The following ADCY2 variants were observed in gnomAD, a reference collection of about 807,000 sequenced individuals.
ADCY2 encodes adenylate cyclase 2, also known as adenylate cyclase type 2.
A neutral mutation model predicts 125.2 loss-of-function variants in ADCY2; 31 were observed. The observed-to-expected ratio is 0.25, with a 90% CI of 0.19 to 0.33. ADCY2 has a LOEUF of 0.33. Among genes scored for constraint, ADCY2 ranks in the 10% least tolerant of loss-of-function variants. The probability of loss-of-function intolerance (pLI) is 1.00; values close to 1 mark genes in which losing one functional copy is unlikely to be tolerated. For synonymous variants in ADCY2, 512 were observed against 548.4 expected (o/e 0.93, Z 0.93); for missense variants, 904 against 1,418.2 (o/e 0.64, Z 5.82).
chr5:7,824,312 T>C (rs914749120), intron 24 of ADCY2, among the ~76,000 whole-genome samples: 6 of 152,188 alleles, frequency 3.9e-5, no homozygotes, highest in African/African-American at 1.4e-4. Flanking sequence ...GTAACCGGTG[T>C]GCATCGAGAT....
rs547888380 is a variant in ADCY2 at position 7,773,177 on chromosome 5, A to G, written c.2384+76A>G. 6 of 1,435,154 alleles carry G rather than the reference A, an allele frequency of 4.2e-6. No homozygotes were observed. In the South Asian group the frequency reaches 5.5e-5, roughly 13 times the overall value. The allele number at this position is 1,435,154 out of a possible 1,614,324, so 88.9% of individuals were successfully genotyped here. On this transcript the variant is annotated intron_variant, in intron 18 of 24. Transcript: ENST00000338316. The stretch of plus-strand genomic sequence containing the variant: ...GATAGCATGAGTGTGTGTTGAGTAA[A>G]TGCAAGTTAGCGATGTCATTGTCAT...
At chr5:7,626,359 A>G in intron 4 of ADCY2, 43 bp downstream of exon 4, 3 of 1,595,332 alleles carry the variant, frequency 1.9e-6, no homozygotes, top group Non-Finnish European at 2.6e-6. Flanking sequence ...TTTAGTCATT[A>G]TTAAAATGAT....
rs980407909 is a variant in ADCY2, at chr5:7,626,882, A to G, written c.720+566A>G. Among the ~76,000 whole-genome samples, 8 of 152,146 alleles carry G rather than the reference A, an allele frequency of 5.3e-5. No homozygotes were observed. In the South Asian group the frequency reaches 8.3e-4, roughly 16 times the overall value. On this transcript the variant is annotated intron_variant, in intron 4 of 24. Transcript: ENST00000338316. Reference sequence around the variant, plus strand: ...GGAGAGGACAAGCATCTAAACTGTAATAGAGAGTTATGATCAAAAGAGCAA... The same window carrying G: ...GGAGAGGACAAGCATCTAAACTGTAGTAGAGAGTTATGATCAAAAGAGCAA...
At position 7,709,186 on chromosome 5, in the gene ADCY2, G is replaced by A; in HGVS notation, c.1402-25G>A. The A allele has an allele frequency of 6.3e-7, 1 of 1,582,660 alleles. No homozygotes were observed. Among genetic ancestry groups the A allele is most frequent in the Non-Finnish European group, 8.6e-7 (1 of 1,164,080 alleles). ...TGTGTGGCCCTGTGCTGTGCCAGGT[G>A]TGATGCTTTGTTTCTCACCCCAAGG... On this transcript the variant is annotated intron_variant, in intron 9 of 24. Coordinates refer to ENST00000338316, the MANE Select transcript of ADCY2 (RefSeq NM_020546.3). The surrounding 1 kb of genome is among the most constrained non-coding windows in gnomAD (Gnocchi z 4.4).
chr5:7,630,782 CCTT>C (rs1255857702), intron 4 of ADCY2, among the ~76,000 whole-genome samples: 2 of 149,110 alleles, frequency 1.3e-5, no homozygotes, highest in Non-Finnish European at 3.0e-5. Context: ...CTCTCTCTCT[CCTT>C]GTCTTTTTTT....
At chr5:7,761,768 T>G (rs1270762990) in intron 16 of ADCY2, among the ~76,000 whole-genome samples, 2 of 152,202 alleles carry the variant, frequency 1.3e-5, no homozygotes, top group Non-Finnish European at 2.9e-5. Context: ...ATAGCATAAT[T>G]AGTCATGATT....
intron 3 of ADCY2, among the ~76,000 whole-genome samples, chr5:7,602,592 C>T (rs996647583): frequency 6.6e-6 from 1 of 152,154 alleles, no homozygotes; most frequent in African/African-American, 2.4e-5. Context: ...GAGAAATTCC[C>T]TCTTAAATTT....
At chr5:7,593,141 G>C (rs1273974555) in intron 3 of ADCY2, among the ~76,000 whole-genome samples, 1 of 152,136 alleles carries the variant, frequency 6.6e-6, no homozygotes, top group African/African-American at 2.4e-5. Flanking sequence ...AGCGCAAATC[G>C]AGGAAAACCT....
At chr5:7,669,539 C>T (rs997906762) in intron 4 of ADCY2, among the ~76,000 whole-genome samples, 3 of 152,142 alleles carry the variant, frequency 2.0e-5, no homozygotes, top group Non-Finnish European at 2.9e-5. Flanking sequence ...TTTCAGTTTA[C>T]GTGGCACTGG....
intron 12 of ADCY2, among the ~76,000 whole-genome samples, chr5:7,718,711 C>T (rs1033502378): frequency 6.6e-6 from 1 of 152,146 alleles, no homozygotes; most frequent in South Asian, 2.1e-4. Context: ...CCAAGGCCCA[C>T]TGGCAGCACC....
chr5:7,472,195 A>T (rs1742364740), intron 2 of ADCY2, among the ~76,000 whole-genome samples: 1 of 152,112 alleles, frequency 6.6e-6, no homozygotes, highest in Non-Finnish European at 1.5e-5. Flanking sequence ...TCTGGAATGC[A>T]ATGTTCTATT....
At chr5:7,427,006 C>G (rs1486488963) in intron 2 of ADCY2, among the ~76,000 whole-genome samples, 4 of 152,172 alleles carry the variant, frequency 2.6e-5, no homozygotes, top group Admixed American at 1.3e-4. Flanking sequence ...AACAAAGTAC[C>G]ACAAAGTGGC....
chr5:7,772,851 C>T lies in ADCY2; in HGVS notation c.2215-81C>T, dbSNP rs866674527. 14 of 1,368,842 alleles carry T rather than the reference C, an allele frequency of 1.0e-5. No homozygotes were observed. The East Asian group carries it at 1.9e-4, about 18-fold the overall frequency. 84.8% of individuals were successfully genotyped at this position (1,368,842 alleles called of 1,614,324 possible). A position where few individuals can be genotyped will look rare whatever the true frequency, so the allele number is the denominator to read the frequency against. The stretch of plus-strand genomic sequence containing the variant: ...TTATATGTTGACCAGATGAGATGGG[C>T]GGTGGTCCCCTGATTGTAATTGTTT... On this transcript the variant is annotated intron_variant, in intron 17 of 24. Coordinates refer to ENST00000338316, the MANE Select transcript of ADCY2 (RefSeq NM_020546.3).
intron 12 of ADCY2, among the ~76,000 whole-genome samples, chr5:7,722,100 G>A (rs10042963): frequency 0.47 from 71,233 of 151,982 alleles, 18,145 homozygotes; most frequent in Non-Finnish European, 0.58. Flanking sequence ...AGCCAGACCC[G>A]GTGTGCTTTG....
intron 2 of ADCY2, among the ~76,000 whole-genome samples, chr5:7,474,637 G>A (rs902644360): frequency 6.6e-6 from 1 of 152,354 alleles, no homozygotes; most frequent in Middle Eastern, 3.4e-3. Context: ...CCACTGAGCC[G>A]GGCAGAGAGA....
At chr5:7,813,300 AAG>A (rs1163547415) in intron 22 of ADCY2, among the ~76,000 whole-genome samples, 1 of 152,232 alleles carries the variant, frequency 6.6e-6, no homozygotes, top group African/African-American at 2.4e-5. Flanking sequence ...TTATGGAAGG[AAG>A]AGGGAGAAGA....
At chr5:7,732,541 T>C (rs1742134957) in intron 14 of ADCY2, among the ~76,000 whole-genome samples, 1 of 152,116 alleles carries the variant, frequency 6.6e-6, no homozygotes, top group Non-Finnish European at 1.5e-5. Context: ...AATCTCTCTT[T>C]CTTGCCTATT....
intron 4 of ADCY2, among the ~76,000 whole-genome samples, chr5:7,649,320 T>C (rs1050388765): frequency 6.6e-6 from 1 of 152,218 alleles, no homozygotes. Context: ...TATGGATGCA[T>C]CATCAGTTTA....
chr5:7,567,254 T>C (rs1165559681), intron 3 of ADCY2, among the ~76,000 whole-genome samples: 1 of 152,216 alleles, frequency 6.6e-6, no homozygotes, highest in African/African-American at 2.4e-5. Flanking sequence ...TTGATGCTTA[T>C]GTATTTTGAA....
Sources: allele counts gnomAD v4.1 joint callset (sites outside exome capture counted in the v4.1 genomes callset), GRCh38; gene constraint gnomAD v4.1.1; non-coding constraint Gnocchi (gnomAD v3.1); transcripts MANE v1.5; gene names NCBI Gene and HGNC (gene_info 2026-07-23, HGNC 2026-07-21).